Variants in ARB2A observed in about 807,000 individuals in gnomAD.
The protein encoded by ARB2A is ARB2 cotranscriptional regulator A, also known as cotranscriptional regulator ARB2A.
the ARB2A span, among the ~76,000 whole-genome samples, chr5:94,012,216 C>A: frequency 1.3e-5 from 2 of 152,082 alleles, no homozygotes; most frequent in Admixed American, 6.6e-5. Context: ...TCCTGGCTAA[C>A]ACGGTGAAAC....
At chr5:93,635,175 A>AC in the ARB2A span, among the ~76,000 whole-genome samples, 1 of 152,216 alleles carries the variant, frequency 6.6e-6, no homozygotes, top group Non-Finnish European at 1.5e-5. Context: ...TTCCCTAAGT[A>AC]CAAGTTTCTG....
the ARB2A span, among the ~76,000 whole-genome samples, chr5:93,725,031 G>C: frequency 6.6e-6 from 1 of 152,068 alleles, no homozygotes; most frequent in Non-Finnish European, 1.5e-5. Flanking sequence ...ATGAGGGACA[G>C]AGTAGGATAG....
the ARB2A span, among the ~76,000 whole-genome samples, chr5:94,064,541 T>C: frequency 6.6e-6 from 1 of 152,324 alleles, no homozygotes; most frequent in Admixed American, 6.5e-5. Context: ...CCATCACATA[T>C]TATAGTCAAA....
chr5:93,919,059 C>T, the ARB2A span, among the ~76,000 whole-genome samples: 1 of 152,072 alleles, frequency 6.6e-6, no homozygotes, highest in Non-Finnish European at 1.5e-5. Flanking sequence ...AGGTATCAGG[C>T]ATTAGCATTT....
At chr5:93,781,757 T>G in the ARB2A span, 2 of 370,996 alleles carry the variant, frequency 5.4e-6, no homozygotes, top group Non-Finnish European at 7.4e-6. Context: ...TGGTTTTAAT[T>G]TGCATTTCTC....
the ARB2A span, among the ~76,000 whole-genome samples, chr5:93,854,140 T>C: frequency 6.6e-6 from 1 of 152,194 alleles, no homozygotes; most frequent in Non-Finnish European, 1.5e-5. Context: ...TCAGAGCCTG[T>C]TATTGGTCTA....
chr5:93,830,350 T>TATATA, the ARB2A span, among the ~76,000 whole-genome samples: 1 of 140,274 alleles, frequency 7.1e-6, no homozygotes, highest in Non-Finnish European at 1.5e-5. Context: ...TATATATATA[T>TATATA]ATCCACACAC....
chr5:93,982,513 T>C, the ARB2A span, among the ~76,000 whole-genome samples: 1 of 152,194 alleles, frequency 6.6e-6, no homozygotes, highest in Non-Finnish European at 1.5e-5. Context: ...TGTGTGCATG[T>C]GCATGTGTCT....
chr5:93,621,496 C>T, the ARB2A span, among the ~76,000 whole-genome samples: 2 of 152,228 alleles, frequency 1.3e-5, no homozygotes, highest in Non-Finnish European at 2.9e-5. Flanking sequence ...CGCGGCTGGC[C>T]GCCCGAGGCC....
the ARB2A span, among the ~76,000 whole-genome samples, chr5:93,859,255 A>T: frequency 0.82 from 124,464 of 152,102 alleles, 51,275 homozygotes; most frequent in East Asian, 0.95. Flanking sequence ...TCTAGTGGTT[A>T]AAACACATAT....
At chr5:94,017,866 C>G in the ARB2A span, among the ~76,000 whole-genome samples, 1 of 152,318 alleles carries the variant, frequency 6.6e-6, no homozygotes, top group African/African-American at 2.4e-5. Flanking sequence ...CCCAGAATTC[C>G]CACATGCTGT....
chr5:93,942,637 A>AGTTAAG, the ARB2A span, among the ~76,000 whole-genome samples: 2 of 151,772 alleles, frequency 1.3e-5, no homozygotes, highest in African/African-American at 4.8e-5. Context: ...TAACTACAAG[A>AGTTAAG]TCACAATAAT....
the ARB2A span, among the ~76,000 whole-genome samples, chr5:93,869,068 T>C: frequency 6.6e-6 from 1 of 152,242 alleles, no homozygotes; most frequent in South Asian, 2.1e-4. Context: ...GGTTTGGTTA[T>C]TCTTATTAGC....
the ARB2A span, among the ~76,000 whole-genome samples, chr5:93,853,043 T>C: frequency 6.6e-6 from 1 of 152,224 alleles, no homozygotes; most frequent in South Asian, 2.1e-4. Flanking sequence ...TAAATTACCT[T>C]GGGCAGTATG....
chr5:93,973,423 A>G, the ARB2A span, among the ~76,000 whole-genome samples: 2 of 152,168 alleles, frequency 1.3e-5, no homozygotes, highest in African/African-American at 4.8e-5. Context: ...GGGATTATGT[A>G]AAGTGACCAA....
At chr5:94,025,399 G>A in the ARB2A span, among the ~76,000 whole-genome samples, 1 of 152,194 alleles carries the variant, frequency 6.6e-6, no homozygotes, top group Non-Finnish European at 1.5e-5. Context: ...TCTCCTTCTT[G>A]TAAGGCCACC....
the ARB2A span, among the ~76,000 whole-genome samples, chr5:94,021,402 G>A: frequency 6.6e-6 from 1 of 152,192 alleles, no homozygotes; most frequent in Non-Finnish European, 1.5e-5. Flanking sequence ...ACAGATGGCA[G>A]TTCCAAGGTG....
chr5:93,964,513 T>C, the ARB2A span: 1 of 1,579,316 alleles, frequency 6.3e-7, no homozygotes, highest in Non-Finnish European at 8.6e-7. Context: ...ATATACATAC[T>C]TCGTGATGAT....
the ARB2A span, among the ~76,000 whole-genome samples, chr5:94,068,266 G>C: frequency 6.6e-6 from 1 of 152,348 alleles, no homozygotes; most frequent in East Asian, 1.9e-4. Context: ...TGGGCACTTA[G>C]CCATGCAGGA....
Sources: allele counts gnomAD v4.1 joint callset (sites outside exome capture counted in the v4.1 genomes callset), GRCh38; gene constraint gnomAD v4.1.1; transcripts MANE v1.5; gene names NCBI Gene and HGNC (gene_info 2026-07-23, HGNC 2026-07-21).